AKAP1: variants seen among roughly 807,000 people sequenced by gnomAD.
AKAP1 encodes A-kinase anchor protein 1, mitochondrial.
A neutral mutation model predicts 79.8 loss-of-function variants in AKAP1; 32 were observed. The observed-to-expected ratio is 0.40, with a 90% CI of 0.30 to 0.54. The LOEUF (loss-of-function observed/expected upper bound fraction) is 0.54. Among genes scored for constraint, AKAP1 ranks in the 20% least tolerant of loss-of-function variants. The pLI is 0.47. For synonymous variants in AKAP1, 416 were observed against 466.7 expected, an observed-to-expected ratio of 0.89 and a Z score of 1.40; for missense variants, 961 against 1,138.9, an observed-to-expected ratio of 0.84 and a Z score of 2.25.
chr17:57,094,162 GA>G (rs1913948982), intron 1 of AKAP1: 1 of 152,310 alleles, frequency 6.6e-6, no homozygotes, highest in Non-Finnish European at 1.5e-5. Flanking sequence ...GTCATTGGGG[GA>G]AAGTGGCTCT....
In AKAP1 at chr17:57,105,498, GCATT is replaced by G. The variant is rs756655057; in HGVS notation, c.35_38del (p.Ala12GlyfsTer36). On this transcript the variant is annotated frameshift_variant, in exon 2 of 11. Transcript: ENST00000337714. LOFTEE classifies it high-confidence loss of function. ...CCAGTTCCGTTCGCTCTTCCCCTTGGCATTGCCTGGGATGCTGGCGCTCCTCGGC... is the reference window on the plus strand; with the variant it reads ...CCAGTTCCGTTCGCTCTTCCCCTTGGGCCTGGGATGCTGGCGCTCCTCGGC... 1.2e-6 allele frequency: 2 copies of G among 1,614,094 alleles called. No homozygotes were observed. The highest frequency in any genetic ancestry group is 2.2e-5 in the South Asian group (2 of 91,074).
intron 10 of AKAP1, 114 bp from the exon 11 acceptor site, chr17:57,120,136 C>G: frequency 1.1e-6 from 1 of 884,470 alleles, no homozygotes. Context: ...TACACTGTTA[C>G]TCTCATACAT....
Position 57,112,482 on chromosome 17 carries a change from G to A in AKAP1, c.1976-9G>A, listed in dbSNP as rs1445704437. 29 of 1,612,358 alleles carry A rather than the reference G, an allele frequency of 1.8e-5. No individual in the cohort carries two copies. The East Asian group carries it at 2.5e-4, about 14-fold the overall frequency. On this transcript the variant is annotated splice_polypyrimidine_tract_variant and intron_variant, in intron 4 of 10. Coordinates refer to ENST00000337714, the MANE Select transcript of AKAP1 (RefSeq NM_003488.4). The stretch of plus-strand genomic sequence containing the variant: ...GTGATTGTATGTCCTGCCCCCATCC[G>A]CTATTTAGGCTCTCAACATCATGTA...
chr17:57,118,301 G>A (rs1220709293), intron 8 of AKAP1, 80 bp from the exon 9 acceptor site: 3 of 1,307,886 alleles, frequency 2.3e-6, no homozygotes, highest in East Asian at 4.6e-5. Flanking sequence ...TACTTGGAAT[G>A]CACCTGAAAC....
chr17:57,104,562 G>A (rs1015604928), intron 1 of AKAP1, among the ~76,000 whole-genome samples: 6 of 152,312 alleles, frequency 3.9e-5, no homozygotes, highest in African/African-American at 1.4e-4. Flanking sequence ...TACATGAGCT[G>A]AGAAGACTCA....
In AKAP1 at chr17:57,110,146, C is replaced by A. The variant is rs951981291; in HGVS notation, c.1836C>A (p.Ile612=). Residue 612 remains isoleucine (I), a synonymous_variant, in exon 3 of 11, where the codon ATC becomes ATA. Coordinates refer to ENST00000337714, the MANE Select transcript of AKAP1 (RefSeq NM_003488.4). ...AGGTCGACCTCATCATCTGGGAGATCGAGGTGCCAAAGGTAGGGGCGGAGT... is the reference window on the plus strand; with the variant it reads ...AGGTCGACCTCATCATCTGGGAGATAGAGGTGCCAAAGGTAGGGGCGGAGT... The part of the protein sequence containing the change: ...PKKVDLIIWE[I]EVPKHLVGRL... The A allele has an allele frequency of 6.2e-7, 1 of 1,613,754 alleles. No homozygotes were observed. Among genetic ancestry groups the A allele is most frequent in the Non-Finnish European group, 8.5e-7 (1 of 1,179,932 alleles).
chr17:57,114,772 C>G (rs867429573), intron 6 of AKAP1, 136 bp downstream of exon 6: 2 of 1,039,854 alleles, frequency 1.9e-6, no homozygotes, highest in East Asian at 5.3e-5. Flanking sequence ...TGTTATGGAG[C>G]TGGGGTGGGT....
Position 57,102,636 on chromosome 17 carries a change from CTT to C in AKAP1, c.-24-2796_-24-2795del, listed in dbSNP as rs1044522567. ...CCCGCCACAACTCCCGGCTCTCTCT[CTT>C]TTTTTTTTGTATTTTTAGTAGAAAC... On this transcript the variant is annotated intron_variant, in intron 1 of 10. Coordinates refer to ENST00000337714, the MANE Select transcript of AKAP1 (RefSeq NM_003488.4). Among the ~76,000 whole-genome samples the C allele has an allele frequency of 5.4e-5, 8 of 148,072 alleles. No individual in the cohort carries two copies. The South Asian group carries it at 1.5e-3, about 28-fold the overall frequency.
At chr17:57,112,096 G>A (rs1486027744) in intron 4 of AKAP1, among the ~76,000 whole-genome samples, 172 bp downstream of exon 4, 5 of 152,094 alleles carry the variant, frequency 3.3e-5, no homozygotes, top group Non-Finnish European at 4.4e-5. Flanking sequence ...AGGTGCCTGC[G>A]GGAGACTCAG....
chr17:57,115,791 T>C (rs17833741), intron 6 of AKAP1, among the ~76,000 whole-genome samples: 8,989 of 152,286 alleles, frequency 0.059, 331 homozygotes, highest in Non-Finnish European at 0.077. Context: ...CTATATTTAC[T>C]TGGTTTATTC....
rs187287363 is a variant in AKAP1 at position 57,106,279 on chromosome 17, T to C, written c.815T>C (p.Ile272Thr). ...GCAGAGAAGTTGCCAAGTAGGTTCATCGAGTCGGCTCACACAGAGCTGGCA... is the reference window on the plus strand; with the variant it reads ...GCAGAGAAGTTGCCAAGTAGGTTCACCGAGTCGGCTCACACAGAGCTGGCA... ...YVAEKLPSRFIESAHTELAKD... is the reference protein window; with the variant it reads ...YVAEKLPSRFTESAHTELAKD... The change falls in exon 2 of 11, where the codon ATC (isoleucine) becomes ACC (threonine). Residue 272 changes from isoleucine to threonine, a missense_variant. By Grantham distance (89) the Ile-to-Thr change is moderately conservative. Coordinates refer to ENST00000337714, the MANE Select transcript of AKAP1 (RefSeq NM_003488.4). The C allele has an allele frequency of 1.9e-6, 3 of 1,614,070 alleles. No homozygotes were observed. The highest frequency in any genetic ancestry group is 3.3e-5 in the Admixed American group (2 of 60,020).
intron 2 of AKAP1, chr17:57,108,115 G>T (rs1915010111): frequency 2.2e-6 from 2 of 908,712 alleles, no homozygotes; most frequent in Non-Finnish European, 2.8e-6. Flanking sequence ...ATGGAGAGAG[G>T]CCACGAATAT....
At chr17:57,110,720 C>T (rs887308198) in intron 3 of AKAP1, among the ~76,000 whole-genome samples, 2 of 152,204 alleles carry the variant, frequency 1.3e-5, no homozygotes, top group African/African-American at 4.8e-5. Context: ...TTAATTAATA[C>T]TTTAAATATT....
chr17:57,089,605 A>G (rs909843996), intron 1 of AKAP1, among the ~76,000 whole-genome samples: 1 of 152,194 alleles, frequency 6.6e-6, no homozygotes, highest in African/African-American at 2.4e-5. Context: ...GCGCCGGCCT[A>G]GAAAGTTTTT....
chr17:57,120,093 T>TG, intron 10 of AKAP1, among the ~76,000 whole-genome samples, 157 bp from the exon 11 acceptor site: 1 of 152,030 alleles, frequency 6.6e-6, no homozygotes, highest in Non-Finnish European at 1.5e-5. Context: ...CCCAAAATGC[T>TG]AGGATTACAG....
chr17:57,106,246 A>G lies in AKAP1; in HGVS notation c.782A>G (p.Glu261Gly). The G allele has an allele frequency of 1.9e-6, 3 of 1,614,124 alleles. No individual in the cohort carries two copies. The highest frequency in any genetic ancestry group is 1.1e-5 in the South Asian group (1 of 91,084). ...GTGGTGGGGCCAGTGCAGGAGGAAG[A>G]GTATGTAGCAGAGAAGTTGCCAAGT... ...SQVVGPVQEEEYVAEKLPSRF... is the reference protein window; with the variant it reads ...SQVVGPVQEEGYVAEKLPSRF... The change falls in exon 2 of 11, where the codon GAG becomes GGG. Residue 261 changes from glutamate (E) to glycine (G), a missense_variant. Transcript: ENST00000337714.
chr17:57,099,182 T>C (rs112559364), intron 1 of AKAP1, among the ~76,000 whole-genome samples: 1 of 152,172 alleles, frequency 6.6e-6, no homozygotes, highest in Non-Finnish European at 1.5e-5. Context: ...CCAGGGTCTC[T>C]TGGCTCTGTT....
chr17:57,098,405 C>G (rs1450416839), intron 1 of AKAP1: 1 of 152,208 alleles, frequency 6.6e-6, no homozygotes, highest in Admixed American at 6.6e-5. Context: ...AGGAGCCAGC[C>G]TTTGATTAGC....
intron 1 of AKAP1, among the ~76,000 whole-genome samples, chr17:57,090,338 T>TA (rs1384286590): frequency 1.3e-5 from 2 of 152,062 alleles, no homozygotes; most frequent in Non-Finnish European, 2.9e-5. Flanking sequence ...GTGTCATTTT[T>TA]ATTCTCTGTC....
Sources: gnomAD v4.1 joint callset for allele counts (sites outside exome capture counted in the v4.1 genomes callset) on GRCh38, gnomAD v4.1.1 for gene constraint, MANE v1.5 for transcripts, NCBI Gene and HGNC (gene_info 2026-07-23, HGNC 2026-07-21) for gene names.